ADAMTS19: variants seen among roughly 807,000 people sequenced by gnomAD.
ADAMTS19 encodes the protein A disintegrin and metalloproteinase with thrombospondin motifs 19.
In ADAMTS19, 93 loss-of-function variants were observed where a neutral mutation model predicts 153.3. The ratio of observed to expected loss-of-function variants is 0.61; its 90% CI spans 0.51 to 0.72. ADAMTS19 has a LOEUF of 0.72. Among genes scored for constraint, ADAMTS19 ranks in the 30% least tolerant of loss-of-function variants. The probability of loss-of-function intolerance (pLI) is 0.00; values close to 1 mark genes in which losing one functional copy is unlikely to be tolerated. For synonymous variants in ADAMTS19, 600 were observed against 556.6 expected, an observed-to-expected ratio of 1.08 and a Z score of -1.10; for missense variants, 1,482 against 1,552.1, an observed-to-expected ratio of 0.95 and a Z score of 0.76.
At chr5:129,481,187 A>G (rs1750395671) in intron 2 of ADAMTS19, among the ~76,000 whole-genome samples, 1 of 152,332 alleles carries the variant, frequency 6.6e-6, no homozygotes, top group African/African-American at 2.4e-5. Flanking sequence ...CAGGAAACTT[A>G]CAATCATGGC....
At chr5:129,477,175 T>C (rs1383677129) in intron 2 of ADAMTS19, among the ~76,000 whole-genome samples, 2 of 152,122 alleles carry the variant, frequency 1.3e-5, no homozygotes, top group African/African-American at 4.8e-5. Context: ...AGTTTGAGCT[T>C]TAAGGGATAA....
chr5:129,590,180 A>G (rs1173004728), intron 7 of ADAMTS19, among the ~76,000 whole-genome samples: 4 of 152,166 alleles, frequency 2.6e-5, no homozygotes, highest in African/African-American at 9.7e-5. Context: ...TTGAAACCAC[A>G]CATTTATTTA....
chr5:129,645,957 C>T (rs563635556), intron 11 of ADAMTS19, among the ~76,000 whole-genome samples: 1 of 133,998 alleles, frequency 7.5e-6, no homozygotes, highest in Non-Finnish European at 1.6e-5. Flanking sequence ...GGCGGGATCT[C>T]GGCTCACTGC....
In ADAMTS19 at chr5:129,468,254, C is replaced by T. The variant is rs542504997; in HGVS notation, c.747+6497C>T. On this transcript the variant is annotated intron_variant, in intron 2 of 22. Transcript: ENST00000274487. ...ATGGTGCTACTTTACAGTCTCAGACCAGGAGAGTAGGAGAGTTTCTCTTTC... is the reference window on the plus strand; with the variant it reads ...ATGGTGCTACTTTACAGTCTCAGACTAGGAGAGTAGGAGAGTTTCTCTTTC... Among the ~76,000 whole-genome samples, 239 of 152,210 alleles carry T rather than the reference C, an allele frequency of 1.6e-3. 2 individuals are homozygous for T. The highest frequency in any genetic ancestry group is 5.3e-3 in the African/African-American group (221 of 41,508).
At chr5:129,516,645 T>C (rs1355219046) in intron 3 of ADAMTS19, among the ~76,000 whole-genome samples, 2 of 151,888 alleles carry the variant, frequency 1.3e-5, no homozygotes, top group Admixed American at 1.3e-4. Context: ...TTGTAATGTC[T>C]TCTTTTTCAT....
At chr5:129,470,777 G>T (rs1193723034) in intron 2 of ADAMTS19, among the ~76,000 whole-genome samples, 1 of 152,130 alleles carries the variant, frequency 6.6e-6, no homozygotes, top group Non-Finnish European at 1.5e-5. Flanking sequence ...GATGATCAGG[G>T]AATGGTGCTG....
rs374941455 is a variant in ADAMTS19 at position 129,535,897 on chromosome 5, A to T, written c.1328+7220A>T. Among the ~76,000 whole-genome samples, 732 of 152,264 alleles carry T rather than the reference A, an allele frequency of 4.8e-3. 4 individuals carry two copies. Among genetic ancestry groups the T allele is most frequent in the Non-Finnish European group, 6.8e-3 (461 of 68,002 alleles). On this transcript the variant is annotated intron_variant, in intron 6 of 22. Coordinates refer to ENST00000274487, the MANE Select transcript of ADAMTS19 (RefSeq NM_133638.6). ...AAACTGGATCCCTTCCTTACACCTT[A>T]TACAAAAATTAATTCAAGATGGATT...
chr5:129,566,491 CT>C (rs2126854310), intron 7 of ADAMTS19, among the ~76,000 whole-genome samples: 1 of 152,194 alleles, frequency 6.6e-6, no homozygotes, highest in South Asian at 2.1e-4. Flanking sequence ...AAGTAACAGG[CT>C]GATTGGGAAG....
At chr5:129,521,201 C>T (rs1751785509) in intron 3 of ADAMTS19, among the ~76,000 whole-genome samples, 1 of 151,984 alleles carries the variant, frequency 6.6e-6, no homozygotes, top group Admixed American at 6.6e-5. Context: ...TGATTATTTA[C>T]TCTAGGTTTT....
intron 9 of ADAMTS19, among the ~76,000 whole-genome samples, chr5:129,621,481 C>A (rs997546550): frequency 6.6e-6 from 1 of 152,212 alleles, no homozygotes; most frequent in East Asian, 1.9e-4. Flanking sequence ...TTTTGTATAT[C>A]CTTTAAATAG....
intron 21 of ADAMTS19, among the ~76,000 whole-genome samples, chr5:129,719,927 C>A (rs1441445008): frequency 1.3e-5 from 2 of 152,060 alleles, no homozygotes; most frequent in East Asian, 3.9e-4. Flanking sequence ...GAAATCCCAG[C>A]TACTTGGAAG....
chr5:129,595,470 T>C (rs1173065947), intron 7 of ADAMTS19, among the ~76,000 whole-genome samples: 1 of 152,126 alleles, frequency 6.6e-6, no homozygotes. Flanking sequence ...AAATTATTTC[T>C]TACCATTATG....
Position 129,664,867 on chromosome 5 carries a change from T to TA in ADAMTS19, c.2426-631dup, listed in dbSNP as rs143192993. Among the ~76,000 whole-genome samples, 375 of 152,304 alleles carry TA rather than the reference T, an allele frequency of 2.5e-3. 1 individual carries two copies. The highest frequency in any genetic ancestry group is 7.4e-3 in the African/African-American group (306 of 41,558). ...TATTTCTCTTCAAGTATTATATCCC[T>TA]ACATCTGCTGAAAAATGTTTCCTGA... On this transcript the variant is annotated intron_variant, in intron 15 of 22. Coordinates refer to ENST00000274487, the MANE Select transcript of ADAMTS19 (RefSeq NM_133638.6).
chr5:129,528,783 C>A, intron 6 of ADAMTS19, 106 bp downstream of exon 6: 1 of 940,958 alleles, frequency 1.1e-6, no homozygotes, highest in Non-Finnish European at 1.5e-6. Context: ...TTTCGTGTTT[C>A]AAGAGTGATT....
intron 2 of ADAMTS19, among the ~76,000 whole-genome samples, chr5:129,474,942 TCTA>T (rs1047331247): frequency 8.5e-5 from 13 of 152,200 alleles, no homozygotes; most frequent in Non-Finnish European, 4.4e-5. Context: ...TTAGTTTTTT[TCTA>T]CTATTTAGTT....
intron 14 of ADAMTS19, among the ~76,000 whole-genome samples, chr5:129,655,489 C>T (rs25821): frequency 0.29 from 44,664 of 152,018 alleles, 7,496 homozygotes; most frequent in African/African-American, 0.46. Context: ...AAACTGTTAA[C>T]TGGGCAAATC....
At chr5:129,584,894 C>T (rs1486104133) in intron 7 of ADAMTS19, among the ~76,000 whole-genome samples, 1 of 152,150 alleles carries the variant, frequency 6.6e-6, no homozygotes, top group African/African-American at 2.4e-5. Flanking sequence ...GCCCCCTTTC[C>T]AGGGAGTGAT....
chr5:129,501,001 G>A (rs539789906), intron 2 of ADAMTS19, among the ~76,000 whole-genome samples: 14 of 152,084 alleles, frequency 9.2e-5, no homozygotes, highest in Non-Finnish European at 1.5e-4. Flanking sequence ...ACATGCAAAC[G>A]TATGCCCACA....
At chr5:129,482,790 A>G (rs1042589902) in intron 2 of ADAMTS19, among the ~76,000 whole-genome samples, 1 of 152,094 alleles carries the variant, frequency 6.6e-6, no homozygotes, top group African/African-American at 2.4e-5. Context: ...TCACATTTCT[A>G]TGTTCACAGT....
Sources: allele counts gnomAD v4.1 joint callset (sites outside exome capture counted in the v4.1 genomes callset), GRCh38; gene constraint gnomAD v4.1.1; transcripts MANE v1.5; gene names NCBI Gene and HGNC (gene_info 2026-07-23, HGNC 2026-07-21).